The following GSK3B variants were observed in gnomAD, a reference collection of about 807,000 sequenced individuals.
GSK3B encodes glycogen synthase kinase-3 beta.
GSK3B carries 15 observed loss-of-function variants against 56.4 expected under a neutral mutation model. The ratio of observed to expected loss-of-function variants is 0.27; its 90% confidence interval spans 0.18 to 0.41. The LOEUF is 0.41. Among genes scored for constraint, GSK3B ranks in the 10% least tolerant of loss-of-function variants. The probability of loss-of-function intolerance (pLI) is 1.00; values close to 1 mark genes in which losing one functional copy is unlikely to be tolerated. For missense variants in GSK3B, 300 were observed against 513.4 expected, an observed-to-expected ratio of 0.58 and a Z score of 4.02; for synonymous variants, 181 against 188.9, an observed-to-expected ratio of 0.96 and a Z score of 0.34.
intron 3 of GSK3B, among the ~76,000 whole-genome samples, chr3:119,943,813 GAGAC>G (rs949539877): frequency 6.6e-6 from 1 of 151,806 alleles, no homozygotes; most frequent in African/African-American, 2.4e-5. Context: ...AAGAAAGAAA[GAGAC>G]AGAGAAAAGA....
In GSK3B at chr3:119,824,737, T is replaced by C. The variant is rs1343721905; in HGVS notation, c.*2051A>G. ...TTTGGTTTGACTGAGCATGTTTCCT[T>C]TCTCATAAACTCTGATATATCCAGA... On this transcript the variant is annotated 3_prime_UTR_variant, in exon 11 of 11. Transcript: ENST00000264235. 2 of 190,522 alleles carry C rather than the reference T, an allele frequency of 1.0e-5. No homozygotes were observed. The highest frequency in any genetic ancestry group is 1.1e-5 in the Non-Finnish European group (1 of 90,862). The allele number at this position is 190,522 out of a possible 1,614,324, so 11.8% of individuals were successfully genotyped here.
chr3:119,967,795 TCTCTCC>T (rs1481080349), intron 2 of GSK3B, among the ~76,000 whole-genome samples: 1 of 144,964 alleles, frequency 6.9e-6, no homozygotes, highest in East Asian at 2.1e-4. Context: ...TCTCTCTCTC[TCTCTCC>T]CTCTCTCCCT....
chr3:119,982,977 A>G (rs2057478338), intron 2 of GSK3B, among the ~76,000 whole-genome samples: 1 of 152,200 alleles, frequency 6.6e-6, no homozygotes. Flanking sequence ...GTTAATCACA[A>G]TCGGAAGGCC....
intron 4 of GSK3B, among the ~76,000 whole-genome samples, chr3:119,918,282 G>A (rs1310267948): frequency 6.6e-6 from 1 of 151,688 alleles, no homozygotes; most frequent in Non-Finnish European, 1.5e-5. Context: ...ACCACCCTGG[G>A]GGCAACATGG....
chr3:119,975,797 G>C (rs1329959997), intron 2 of GSK3B, among the ~76,000 whole-genome samples: 1 of 152,140 alleles, frequency 6.6e-6, no homozygotes, highest in African/African-American at 2.4e-5. Context: ...TATATTGATT[G>C]TCACAAATGT....
At chr3:119,955,429 T>C (rs372689436) in intron 2 of GSK3B, among the ~76,000 whole-genome samples, 3 of 152,292 alleles carry the variant, frequency 2.0e-5, no homozygotes, top group South Asian at 2.1e-4. Context: ...AATCTTTAAA[T>C]GTTTTACAGT....
intron 1 of GSK3B, among the ~76,000 whole-genome samples, chr3:120,054,828 A>G (rs771973714): frequency 6.6e-6 from 1 of 152,216 alleles, no homozygotes; most frequent in Non-Finnish European, 1.5e-5. Flanking sequence ...ACAATAACAC[A>G]GTGTCTTTGA....
At chr3:119,930,685 A>G (rs1012458182) in intron 3 of GSK3B, among the ~76,000 whole-genome samples, 3 of 152,272 alleles carry the variant, frequency 2.0e-5, no homozygotes, top group Non-Finnish European at 2.9e-5. Context: ...ACTTGACAGT[A>G]ATACATCTGG....
At chr3:119,998,843 C>G (rs1405427384) in intron 2 of GSK3B, among the ~76,000 whole-genome samples, 1 of 152,060 alleles carries the variant, frequency 6.6e-6, no homozygotes, top group Non-Finnish European at 1.5e-5. Context: ...TTTTCACCTA[C>G]AGAACTGAAA....
intron 1 of GSK3B, among the ~76,000 whole-genome samples, chr3:120,086,233 T>C (rs1233255995): frequency 6.6e-6 from 1 of 151,864 alleles, no homozygotes; most frequent in East Asian, 1.9e-4. Flanking sequence ...CAACAAATCT[T>C]AAATCAGATA....
chr3:120,025,435 G>C (rs1321127750), intron 1 of GSK3B, among the ~76,000 whole-genome samples: 3 of 152,240 alleles, frequency 2.0e-5, no homozygotes, highest in South Asian at 4.1e-4. Flanking sequence ...TAATGGCAGG[G>C]AAGAAAGGAA....
rs553943409 is a variant in GSK3B, at chr3:120,079,844, A to G, written c.88+13503T>C. On this transcript the variant is annotated intron_variant, in intron 1 of 10. Transcript: ENST00000264235. ...ACAAGTATTTGCTACTTACAGAGAA[A>G]GTAAATTTCTTCCATGTCTAAGAAT... 7.9e-5 allele frequency among the ~76,000 whole-genome samples: 12 copies of G among 152,354 alleles called. No individual in the cohort carries two copies. The East Asian group carries it at 2.3e-3, about 29-fold the overall frequency.
chr3:119,914,263 T>C (rs1000932932), intron 5 of GSK3B, among the ~76,000 whole-genome samples: 8 of 152,088 alleles, frequency 5.3e-5, no homozygotes, highest in Non-Finnish European at 8.8e-5. Context: ...TCTGATAATG[T>C]ACAGTCCAAA....
intron 1 of GSK3B, among the ~76,000 whole-genome samples, chr3:120,025,615 A>G (rs1407650402): frequency 6.6e-6 from 1 of 152,204 alleles, no homozygotes; most frequent in African/African-American, 2.4e-5. Flanking sequence ...AATTGAGAGC[A>G]CTATATCTGC....
chr3:119,973,749 T>C (rs1161222010), intron 2 of GSK3B, among the ~76,000 whole-genome samples: 2 of 152,206 alleles, frequency 1.3e-5, no homozygotes, highest in African/African-American at 2.4e-5. Context: ...TGTGCCTAAT[T>C]TGTAAATTAA....
intron 1 of GSK3B, among the ~76,000 whole-genome samples, chr3:120,063,389 A>G (rs917318313): frequency 2.0e-5 from 3 of 152,184 alleles, no homozygotes; most frequent in Non-Finnish European, 2.9e-5. Context: ...AACTTTCCCT[A>G]TTTAATACCC....
At chr3:120,024,035 G>A (rs1173041233) in intron 1 of GSK3B, among the ~76,000 whole-genome samples, 1 of 152,100 alleles carries the variant, frequency 6.6e-6, no homozygotes, top group Non-Finnish European at 1.5e-5. Context: ...AATTAAGCTG[G>A]CACTTAACAG....
chr3:119,876,791 T>C (rs1348292390), intron 7 of GSK3B, among the ~76,000 whole-genome samples: 1 of 152,100 alleles, frequency 6.6e-6, no homozygotes, highest in Non-Finnish European at 1.5e-5. Context: ...GGAAGCAGGA[T>C]TGTTATTTCA....
chr3:119,948,829 G>A (rs1380874598), intron 2 of GSK3B, among the ~76,000 whole-genome samples: 2 of 152,150 alleles, frequency 1.3e-5, no homozygotes, highest in African/African-American at 4.8e-5. Flanking sequence ...CTCCTGAGTA[G>A]CTGGGATTAC....
Sources: allele counts gnomAD v4.1 joint callset (sites outside exome capture counted in the v4.1 genomes callset), GRCh38; gene constraint gnomAD v4.1.1; transcripts MANE v1.5; gene names NCBI Gene and HGNC (gene_info 2026-07-23, HGNC 2026-07-21).